Variants in TP73 observed in about 807,000 individuals in gnomAD.
TP73 encodes p53-like transcription factor.
TP73 carries 25 observed loss-of-function variants against 62.5 expected under a neutral mutation model. The ratio of observed to expected loss-of-function variants is 0.40; its 90% CI spans 0.29 to 0.56. The LOEUF is 0.56. Ranked by LOEUF, TP73 falls within the 20% of genes least tolerant of loss-of-function variation. The pLI is 0.46. For synonymous variants in TP73, 423 were observed against 377.5 expected (o/e 1.12, Z -1.40); for missense variants, 754 against 913.3 (o/e 0.83, Z 2.25).
chr1:3,727,998 G>T (rs78404711), intron 8 of TP73, 131 bp from the exon 9 acceptor site: 5 of 1,192,358 alleles, frequency 4.2e-6, no homozygotes, highest in African/African-American at 1.5e-5. Context: ...CGTCCCTGTG[G>T]GTTGCTCACC....
At chr1:3,723,962 G>A (rs1188816931) in intron 6 of TP73, among the ~76,000 whole-genome samples, 1 of 152,198 alleles carries the variant, frequency 6.6e-6, no homozygotes, top group East Asian at 1.9e-4. Flanking sequence ...GCCCAGGAGA[G>A]GTGGCCTGCA....
chr1:3,707,360 C>T (rs1639747810), intron 3 of TP73, among the ~76,000 whole-genome samples, 189 bp from the exon 4 acceptor site: 1 of 152,120 alleles, frequency 6.6e-6, no homozygotes, highest in Non-Finnish European at 1.5e-5. Context: ...GAGGGGAGGG[C>T]GAGGTGAATA....
chr1:3,691,694 G>A (rs1452798347), intron 3 of TP73, among the ~76,000 whole-genome samples: 1 of 152,174 alleles, frequency 6.6e-6, no homozygotes, highest in East Asian at 1.9e-4. Flanking sequence ...TGGAAGGCTC[G>A]GCACAGCTGC....
intron 9 of TP73, among the ~76,000 whole-genome samples, chr1:3,728,991 A>AG (rs1491334696): frequency 1.4e-4 from 15 of 105,254 alleles, no homozygotes; most frequent in African/African-American, 3.7e-4. Context: ...CTGTCGAAAG[A>AG]AAGAGAGAGA....
At chr1:3,693,644 A>G (rs1638283855) in intron 3 of TP73, among the ~76,000 whole-genome samples, 1 of 152,040 alleles carries the variant, frequency 6.6e-6, no homozygotes, top group Admixed American at 6.5e-5. Context: ...ATGGGGACGC[A>G]GGGGGGCCTG....
intron 4 of TP73, among the ~76,000 whole-genome samples, chr1:3,717,548 G>A (rs1045208201): frequency 6.6e-6 from 1 of 152,212 alleles, no homozygotes; most frequent in Admixed American, 6.5e-5. Flanking sequence ...GAAGGCAGGA[G>A]GGGGGCGGCG....
At chr1:3,653,337 C>T (rs764585854) in intron 1 of TP73, among the ~76,000 whole-genome samples, 6 of 152,254 alleles carry the variant, frequency 3.9e-5, no homozygotes, top group Non-Finnish European at 8.8e-5. Flanking sequence ...ACACCTCACG[C>T]CCCCTTAGCT....
intron 3 of TP73, among the ~76,000 whole-genome samples, chr1:3,707,111 G>T (rs549300133): frequency 1.5e-4 from 23 of 152,142 alleles, no homozygotes; most frequent in African/African-American, 7.2e-5. Flanking sequence ...TGCACTCAGG[G>T]CCCACTTGTG....
At chr1:3,668,668 A>G (rs1344374493) in intron 1 of TP73, 2 of 152,326 alleles carry the variant, frequency 1.3e-5, no homozygotes, top group East Asian at 1.9e-4. Context: ...AGACGGTCTC[A>G]TAGGTGGAAT....
intron 7 of TP73, 100 bp from the exon 8 acceptor site, chr1:3,727,528 C>G: frequency 1.3e-6 from 2 of 1,504,848 alleles, no homozygotes; most frequent in Admixed American, 4.0e-5. Flanking sequence ...ACCGAGGGCT[C>G]TCAAGGCCGG....
chr1:3,707,538 T>TC lies in TP73; in HGVS notation c.187-8dup, dbSNP rs752034004. ...GTGTTTCCCCCTCCCTCCTCCCCTT[T>TC]CCCGCGCCAGGCCCAGTTCAATCTG... On this transcript the variant is annotated splice_polypyrimidine_tract_variant and intron_variant, in intron 3 of 13. Transcript: ENST00000378295. 730 of 1,600,496 alleles carry TC rather than the reference T, an allele frequency of 4.6e-4. No individual in the cohort carries two copies. The highest frequency in any genetic ancestry group is 5.5e-4 in the Non-Finnish European group (647 of 1,170,066).
intron 3 of TP73, among the ~76,000 whole-genome samples, chr1:3,684,461 C>A (rs893039293): frequency 6.6e-6 from 1 of 152,206 alleles, no homozygotes; most frequent in Admixed American, 6.5e-5. Context: ...CCCTTCCTTG[C>A]CCCTGCGCAC....
At chr1:3,673,631 A>C (rs1645294064) in intron 1 of TP73, among the ~76,000 whole-genome samples, 1 of 152,188 alleles carries the variant, frequency 6.6e-6, no homozygotes, top group African/African-American at 2.4e-5. Flanking sequence ...AGGAGAGGGA[A>C]CTGGAGTGTG....
rs1361503851 is a variant in TP73, at chr1:3,672,305, T to G, written c.-33-10028T>G. ...TTCTCTGGGGAAAGAAAGAAGATTC[T>G]GGAGGACAGCACAGGCACTTCCAAC... On this transcript the variant is annotated intron_variant, in intron 1 of 13. Transcript: ENST00000378295. This position sits in a 1 kb window ranked among gnomAD's most constrained non-coding sequence, Gnocchi z 5.3. Among the ~76,000 whole-genome samples, 1 of 152,064 alleles carries G rather than the reference T, an allele frequency of 6.6e-6. No homozygotes were observed. The highest frequency in any genetic ancestry group is 1.9e-4 in the East Asian group (1 of 5,180).
chr1:3,671,765 A>G (rs377466009), intron 1 of TP73, among the ~76,000 whole-genome samples: 1 of 152,324 alleles, frequency 6.6e-6, no homozygotes, highest in East Asian at 1.9e-4. Flanking sequence ...CTGGGCAGCA[A>G]TATCAGAAAG....
chr1:3,732,212 T>C (rs973805322), intron 13 of TP73, among the ~76,000 whole-genome samples: 1 of 152,196 alleles, frequency 6.6e-6, no homozygotes, highest in Non-Finnish European at 1.5e-5. Flanking sequence ...AGCCTGGGGC[T>C]GCAGACAGAG....
intron 1 of TP73, among the ~76,000 whole-genome samples, chr1:3,667,838 A>T (rs1207896846): frequency 6.6e-6 from 1 of 152,202 alleles, no homozygotes; most frequent in Non-Finnish European, 1.5e-5. Context: ...TGGACCACCC[A>T]GCTTAAAATA....
chr1:3,722,292 G>A, intron 5 of TP73, 85 bp downstream of exon 5: 2 of 1,498,432 alleles, frequency 1.3e-6, no homozygotes, highest in African/African-American at 1.4e-5. Context: ...AACTGGGAGA[G>A]AGTGGGGCTG....
At chr1:3,707,970 G>A (rs1023954012) in intron 4 of TP73, 179 bp downstream of exon 4, 1 of 1,023,472 alleles carries the variant, frequency 9.8e-7, no homozygotes, top group Admixed American at 2.6e-5. Context: ...GGGCAGTCTG[G>A]GTGTGCCCAC....
Sources: allele counts gnomAD v4.1 joint callset (sites outside exome capture counted in the v4.1 genomes callset), GRCh38; gene constraint gnomAD v4.1.1; non-coding constraint Gnocchi (gnomAD v3.1); transcripts MANE v1.5; gene names NCBI Gene and HGNC (gene_info 2026-07-23, HGNC 2026-07-21).